Variants in NEK6 observed in about 807,000 individuals in gnomAD.
NEK6 encodes NIMA related kinase 6.
A neutral mutation model predicts 43.5 loss-of-function variants in NEK6; 27 were observed. The observed-to-expected ratio is 0.62, with a 90% confidence interval of 0.46 to 0.86. The LOEUF (loss-of-function observed/expected upper bound fraction) is 0.86. Ranked by LOEUF, NEK6 falls within the 40% of genes least tolerant of loss-of-function variation. The pLI is 0.00. For missense variants in NEK6, 318 were observed against 414.4 expected, an observed-to-expected ratio of 0.77 and a Z score of 2.02; for synonymous variants, 167 against 164.1, an observed-to-expected ratio of 1.02 and a Z score of -0.14.
intron 7 of NEK6, among the ~76,000 whole-genome samples, chr9:124,334,021 C>G: frequency 6.6e-6 from 1 of 152,174 alleles, no homozygotes; most frequent in Admixed American, 6.5e-5. Flanking sequence ...TCGTGATCCA[C>G]CCGCCTTGGC....
At chr9:124,345,295 C>G (rs761274638) in intron 8 of NEK6, among the ~76,000 whole-genome samples, 1 of 152,204 alleles carries the variant, frequency 6.6e-6, no homozygotes, top group African/African-American at 2.4e-5. Context: ...TTGTAATCCG[C>G]GCAGCCCAGA....
At chr9:124,333,687 G>A (rs1429004890) in intron 7 of NEK6, among the ~76,000 whole-genome samples, 1 of 151,806 alleles carries the variant, frequency 6.6e-6, no homozygotes, top group Non-Finnish European at 1.5e-5. Flanking sequence ...GGAGATTGTG[G>A]CCCCCAGGTC....
At chr9:124,333,796 G>A (rs76282940) in intron 7 of NEK6, among the ~76,000 whole-genome samples, 161 of 32,508 alleles carry the variant, frequency 5.0e-3, no homozygotes, top group Non-Finnish European at 7.3e-3. Context: ...TTTTTTTTTT[G>A]AGACTGAATT....
intron 7 of NEK6, among the ~76,000 whole-genome samples, chr9:124,331,069 C>T (rs766472424): frequency 6.6e-6 from 1 of 151,986 alleles, no homozygotes; most frequent in African/African-American, 2.4e-5. Context: ...TTGAGACCAG[C>T]CTGGCCAATA....
chr9:124,325,547 A>G (rs1054477249), intron 5 of NEK6, among the ~76,000 whole-genome samples: 3 of 152,244 alleles, frequency 2.0e-5, no homozygotes, highest in African/African-American at 7.2e-5. Flanking sequence ...TAGCTGGTGA[A>G]GAAGTCCTGC....
At chr9:124,349,659 C>T (rs1290098929) in intron 9 of NEK6, among the ~76,000 whole-genome samples, 1 of 152,212 alleles carries the variant, frequency 6.6e-6, no homozygotes, top group Non-Finnish European at 1.5e-5. Flanking sequence ...GACAACTGTG[C>T]GTTTACTTCA....
chr9:124,311,334 G>A (rs1308636845), intron 2 of NEK6, among the ~76,000 whole-genome samples: 3 of 152,222 alleles, frequency 2.0e-5, no homozygotes, highest in Admixed American at 6.5e-5. Flanking sequence ...GCTGGGTGAT[G>A]TGGGCATGGC....
intron 2 of NEK6, among the ~76,000 whole-genome samples, chr9:124,307,459 T>C (rs1833312065): frequency 6.6e-6 from 1 of 152,178 alleles, no homozygotes; most frequent in African/African-American, 2.4e-5. Flanking sequence ...AGGGCCCTTG[T>C]TCCAGCGGTT....
At chr9:124,268,356 C>T (rs1382201983) in intron 1 of NEK6, among the ~76,000 whole-genome samples, 2 of 152,146 alleles carry the variant, frequency 1.3e-5, no homozygotes, top group East Asian at 3.8e-4. Context: ...ATGTACCTGG[C>T]CTGGTGCTGG....
intron 2 of NEK6, among the ~76,000 whole-genome samples, chr9:124,308,488 C>A (rs534033590): frequency 5.9e-4 from 89 of 151,906 alleles, no homozygotes; most frequent in African/African-American, 2.1e-3. Context: ...CCCATCTCTA[C>A]TAAAAATACA....
At chr9:124,297,424 A>G (rs1208080664) in intron 1 of NEK6, among the ~76,000 whole-genome samples, 1 of 152,164 alleles carries the variant, frequency 6.6e-6, no homozygotes, top group Non-Finnish European at 1.5e-5. Context: ...GCATGGTTAG[A>G]TGAAACCGGG....
intron 1 of NEK6, among the ~76,000 whole-genome samples, chr9:124,296,165 C>T (rs1832680726): frequency 6.6e-6 from 1 of 152,266 alleles, no homozygotes; most frequent in South Asian, 2.1e-4. Context: ...GCTTCTGCCA[C>T]CAGGAGCCAG....
chr9:124,337,337 C>T (rs1164439961), intron 7 of NEK6, among the ~76,000 whole-genome samples: 2 of 152,224 alleles, frequency 1.3e-5, no homozygotes, highest in South Asian at 4.1e-4. Flanking sequence ...GCCCTGAAGC[C>T]CTCTGGCTTC....
intron 1 of NEK6, chr9:124,291,807 AG>A (rs1296303418): frequency 1.2e-5 from 12 of 985,222 alleles, no homozygotes; most frequent in Admixed American, 6.2e-5. Context: ...CCTGGTAAGC[AG>A]GGGGCTCCGT....
At chr9:124,350,666 C>T (rs1259956740) in intron 9 of NEK6, among the ~76,000 whole-genome samples, 171 bp from the exon 10 acceptor site, 1 of 152,182 alleles carries the variant, frequency 6.6e-6, no homozygotes, top group Non-Finnish European at 1.5e-5. Context: ...AGCCATGCGG[C>T]TGCGCACCCC....
chr9:124,318,303 G>A (rs1588505767), intron 4 of NEK6, among the ~76,000 whole-genome samples: 1 of 151,576 alleles, frequency 6.6e-6, no homozygotes, highest in East Asian at 1.9e-4. Flanking sequence ...GTGCAGTGGT[G>A]TGATCATGGC....
At chr9:124,323,885 C>G (rs1423039032) in intron 5 of NEK6, among the ~76,000 whole-genome samples, 1 of 152,218 alleles carries the variant, frequency 6.6e-6, no homozygotes, top group African/African-American at 2.4e-5. Context: ...AGAGCCAACA[C>G]TGGCTCAGGG....
rs138586225 is a variant in NEK6 at position 124,284,315 on chromosome 9, C to T, written c.-29-17621C>T. 3.3e-3 allele frequency among the ~76,000 whole-genome samples: 504 copies of T among 152,358 alleles called. 1 individual carries two copies. The highest frequency in any genetic ancestry group is 0.01 in the Middle Eastern group (3 of 294). ...AGTGATCCAAGATGGCACCACTGCA[C>T]TCCATACTGGGCGAAGACCGAGACT... On this transcript the variant is annotated intron_variant, in intron 1 of 9. Transcript: ENST00000320246.
intron 1 of NEK6, chr9:124,300,301 A>T (rs765248132): frequency 6.6e-6 from 1 of 152,218 alleles, no homozygotes; most frequent in Non-Finnish European, 1.5e-5. Context: ...GCACCCTGAG[A>T]CACAGTGGCC....
Sources: gnomAD v4.1 joint callset for allele counts (sites outside exome capture counted in the v4.1 genomes callset) on GRCh38, gnomAD v4.1.1 for gene constraint, MANE v1.5 for transcripts, NCBI Gene and HGNC (gene_info 2026-07-23, HGNC 2026-07-21) for gene names.